The following APPBP2 variants were observed in gnomAD, a reference collection of about 807,000 sequenced individuals.
The protein encoded by APPBP2 is amyloid beta precursor protein binding protein 2.
APPBP2 carries 15 observed loss-of-function variants against 76.0 expected under a neutral mutation model. The observed-to-expected ratio is 0.20, with a 90% CI of 0.13 to 0.30. The LOEUF is 0.30. Among genes scored for constraint, APPBP2 ranks in the 10% least tolerant of loss-of-function variants. The pLI is 1.00. For missense variants in APPBP2, 401 were observed against 687.2 expected (o/e 0.58, Z 4.66); for synonymous variants, 222 against 242.2 (o/e 0.92, Z 0.77).
chr17:60,512,832 TAA>T (rs770075935), intron 1 of APPBP2, among the ~76,000 whole-genome samples: 77 of 29,894 alleles, frequency 2.6e-3, no homozygotes, highest in African/African-American at 4.3e-3. Context: ...AGACTCCATC[TAA>T]AAAAAAAAAA....
intron 1 of APPBP2, among the ~76,000 whole-genome samples, chr17:60,519,025 C>A (rs926606752): frequency 6.6e-6 from 1 of 152,136 alleles, no homozygotes; most frequent in African/African-American, 2.4e-5. Flanking sequence ...GCGGCACAAT[C>A]ACAGCTCACT....
intron 10 of APPBP2, 45 bp downstream of exon 10, chr17:60,456,251 A>G: frequency 8.0e-7 from 1 of 1,255,434 alleles, no homozygotes; most frequent in Non-Finnish European, 1.2e-6. Flanking sequence ...TTTATACCAT[A>G]TATCATCTAT....
chr17:60,450,285 A>G (rs2143282639), intron 12 of APPBP2, among the ~76,000 whole-genome samples: 1 of 151,722 alleles, frequency 6.6e-6, no homozygotes. Context: ...AAAAATACAA[A>G]AAATTAGCTG....
intron 4 of APPBP2, among the ~76,000 whole-genome samples, chr17:60,466,892 T>C (rs1475186685): frequency 6.6e-6 from 1 of 152,218 alleles, no homozygotes; most frequent in Non-Finnish European, 1.5e-5. Context: ...TATTTCATGA[T>C]GCTTCATAAT....
At chr17:60,459,153 T>C (rs1459654912) in intron 9 of APPBP2, among the ~76,000 whole-genome samples, 1 of 152,154 alleles carries the variant, frequency 6.6e-6, no homozygotes, top group Non-Finnish European at 1.5e-5. Flanking sequence ...TATTTCCTTA[T>C]GTTTTGTAAT....
At chr17:60,469,034 C>A (rs958727994) in intron 4 of APPBP2, among the ~76,000 whole-genome samples, 1 of 152,080 alleles carries the variant, frequency 6.6e-6, no homozygotes, top group Admixed American at 6.6e-5. Context: ...AAAAGAATTT[C>A]TCTCCTTCTT....
chr17:60,466,966 A>C (rs897765679), intron 4 of APPBP2, among the ~76,000 whole-genome samples: 19 of 152,332 alleles, frequency 1.2e-4, no homozygotes, highest in African/African-American at 4.6e-4. Context: ...TTTCTTTTAA[A>C]ATCTTTATCC....
At chr17:60,464,950 G>A (rs2090500122) in intron 5 of APPBP2, 1 of 152,352 alleles carries the variant, frequency 6.6e-6, no homozygotes, top group Non-Finnish European at 1.5e-5. Context: ...ACTTGGTAGA[G>A]CTGAGGTGGA....
At chr17:60,449,963 A>AT (rs1192414218) in intron 12 of APPBP2, among the ~76,000 whole-genome samples, 1 of 151,756 alleles carries the variant, frequency 6.6e-6, no homozygotes, top group African/African-American at 2.4e-5. Context: ...CGCCCGGCTA[A>AT]TTTTTGTCTT....
intron 1 of APPBP2, 96 bp downstream of exon 1, chr17:60,525,698 G>T: frequency 6.4e-7 from 1 of 1,562,200 alleles, no homozygotes; most frequent in Non-Finnish European, 8.7e-7. Flanking sequence ...CTGCCGGAAG[G>T]GGTGAGGGGT....
chr17:60,475,181 G>A (rs1298311820), intron 4 of APPBP2, among the ~76,000 whole-genome samples: 3 of 151,860 alleles, frequency 2.0e-5, no homozygotes, highest in East Asian at 1.9e-4. Context: ...AGTGAGCCGC[G>A]ATCACACCAC....
intron 1 of APPBP2, among the ~76,000 whole-genome samples, chr17:60,517,257 T>C (rs917281251): frequency 1.3e-5 from 2 of 152,204 alleles, no homozygotes; most frequent in East Asian, 3.8e-4. Context: ...ATTACAGGCG[T>C]GAGCCACCAT....
At position 60,444,059 on chromosome 17, in the gene APPBP2, C is replaced by A. The variant is rs1039118376; in HGVS notation, c.*3522G>T. The A allele has an allele frequency of 6.6e-6, 1 of 150,684 alleles. No homozygotes were observed. Among genetic ancestry groups the A allele is most frequent in the Non-Finnish European group, 1.5e-5 (1 of 67,914 alleles). The allele number at this position is 150,684 out of a possible 1,614,324, so 9.3% of individuals were successfully genotyped here. A position where few individuals can be genotyped will look rare whatever the true frequency, so the allele number is the denominator to read the frequency against. Reference sequence around the variant, plus strand: ...AGGAGAATCGCTGGAACCCGGGAGGCGGAGGTTGCAGTGAGCCAAGACGGT... The same window carrying A: ...AGGAGAATCGCTGGAACCCGGGAGGAGGAGGTTGCAGTGAGCCAAGACGGT... On this transcript the variant is annotated 3_prime_UTR_variant, in exon 13 of 13. Transcript: ENST00000083182.
rs1267979008 is a variant in APPBP2 at position 60,520,920 on chromosome 17, A to G, written c.138+4874T>C. Among the ~76,000 whole-genome samples the G allele has an allele frequency of 2.0e-5, 3 of 152,148 alleles. No homozygotes were observed. In the East Asian group the frequency reaches 5.8e-4, roughly 29 times the overall value. ...CCGTCTCTATTTCCTTTCACTCTGT[A>G]TAGAGTTCTAGAATTTTCTTTTAAG... On this transcript the variant is annotated intron_variant, in intron 1 of 12. Transcript: ENST00000083182.
chr17:60,520,315 G>A (rs2090998330), intron 1 of APPBP2, among the ~76,000 whole-genome samples: 1 of 152,254 alleles, frequency 6.6e-6, no homozygotes, highest in Non-Finnish European at 1.5e-5. Context: ...GCTCACTCCT[G>A]TAATCCCAGC....
chr17:60,495,127 G>T (rs1285149875), intron 2 of APPBP2, among the ~76,000 whole-genome samples: 1 of 147,018 alleles, frequency 6.8e-6, no homozygotes, highest in East Asian at 1.9e-4. Flanking sequence ...TGGAACTACA[G>T]GTACGTGTCA....
At chr17:60,491,348 G>T (rs1246402918) in intron 3 of APPBP2, among the ~76,000 whole-genome samples, 1 of 152,154 alleles carries the variant, frequency 6.6e-6, no homozygotes, top group Admixed American at 6.6e-5. Flanking sequence ...TCTGGCAGAA[G>T]AAATTTCCAA....
At chr17:60,470,398 G>A (rs1035769042) in intron 4 of APPBP2, among the ~76,000 whole-genome samples, 2 of 151,484 alleles carry the variant, frequency 1.3e-5, no homozygotes, top group Non-Finnish European at 2.9e-5. Context: ...TAGCTGAGAC[G>A]ACAGGCCAGT....
rs764993181 is a variant in APPBP2, at chr17:60,445,520, C to G, written c.*2061G>C. 6.6e-6 allele frequency: 1 copy of G among 152,538 alleles called. No individual in the cohort carries two copies. The highest frequency in any genetic ancestry group is 1.5e-5 in the Non-Finnish European group (1 of 68,036). The allele number at this position is 152,538 out of a possible 1,614,324, so 9.4% of individuals were successfully genotyped here. A position where few individuals can be genotyped will look rare whatever the true frequency, so the allele number is the denominator to read the frequency against. On this transcript the variant is annotated 3_prime_UTR_variant, in exon 13 of 13. Transcript: ENST00000083182. ...AATTTACCATGACATTCCTATACCA[C>G]AAACATACCACTGGATTCTAAATAA...
Sources: allele counts gnomAD v4.1 joint callset (sites outside exome capture counted in the v4.1 genomes callset), GRCh38; gene constraint gnomAD v4.1.1; transcripts MANE v1.5; gene names NCBI Gene and HGNC (gene_info 2026-07-23, HGNC 2026-07-21).